The following SBF2 variants were observed in gnomAD, a reference collection of about 807,000 sequenced individuals.
SBF2 encodes the protein myotubularin-related protein 13.
Under a neutral mutation model 225.2 loss-of-function variants are expected in SBF2, and 112 were observed. The ratio of observed to expected loss-of-function variants is 0.50; its 90% confidence interval spans 0.43 to 0.58. The LOEUF (loss-of-function observed/expected upper bound fraction) is 0.58. SBF2 is among the 20% of genes least tolerant of loss of function. The pLI is 0.00. For missense variants in SBF2, 1,996 were observed against 2,206.2 expected (o/e 0.90, Z 1.91); for synonymous variants, 763 against 773.3 (o/e 0.99, Z 0.22).
chr11:9,932,957 CAAAAAAAAAAAA>C (rs574177096), intron 16 of SBF2, among the ~76,000 whole-genome samples: 1 of 58,744 alleles, frequency 1.7e-5, no homozygotes, highest in Non-Finnish European at 2.7e-5. Context: ...AAACGAAAAG[CAAAAAAAAAAAA>C]AAAAAAAAAA....
chr11:9,952,161 C>G (rs1473212061), intron 16 of SBF2, among the ~76,000 whole-genome samples: 1 of 152,242 alleles, frequency 6.6e-6, no homozygotes, highest in Non-Finnish European at 1.5e-5. Context: ...CACACAACCT[C>G]CTTGTTTGCA....
chr11:9,871,681 C>T lies in SBF2; in HGVS notation c.1930-13285G>A, dbSNP rs189920336. ...TAATTTATTGTATTTTTAGTTGAGA[C>T]GGGGTTTCACCGTGTTAGCCAGGAT... is the stretch of plus-strand genomic sequence containing the variant. On this transcript the variant is annotated intron_variant, in intron 17 of 39. Coordinates refer to ENST00000256190, the MANE Select transcript of SBF2 (RefSeq NM_030962.4). Among the ~76,000 whole-genome samples, 247 of 151,948 alleles carry T rather than the reference C, an allele frequency of 1.6e-3. 3 individuals carry two copies. The highest frequency in any genetic ancestry group is 5.4e-3 in the African/African-American group (222 of 41,450).
At chr11:10,137,937 T>G (rs945353063) in intron 2 of SBF2, among the ~76,000 whole-genome samples, 22 of 152,106 alleles carry the variant, frequency 1.4e-4, no homozygotes, top group African/African-American at 4.8e-4. Context: ...GAGGCAGAGG[T>G]TGCAGTGAGC....
chr11:9,795,226 T>C (rs1853048715), intron 33 of SBF2, among the ~76,000 whole-genome samples: 2 of 152,188 alleles, frequency 1.3e-5, no homozygotes, highest in South Asian at 2.1e-4. Context: ...CTAATGCGAG[T>C]GATGTCTAAA....
At chr11:9,800,443 GT>G (rs1249896115) in intron 32 of SBF2, among the ~76,000 whole-genome samples, 3 of 152,068 alleles carry the variant, frequency 2.0e-5, no homozygotes, top group Admixed American at 1.3e-4. Context: ...GTCTCGCTCT[GT>G]TGCCCAGGCT....
At chr11:10,069,207 A>T (rs1485165052) in intron 2 of SBF2, among the ~76,000 whole-genome samples, 5 of 152,176 alleles carry the variant, frequency 3.3e-5, no homozygotes, top group Non-Finnish European at 4.4e-5. Flanking sequence ...GTACATGTGC[A>T]CAACGTGCAG....
At chr11:9,884,095 G>A (rs1860055190) in intron 17 of SBF2, among the ~76,000 whole-genome samples, 1 of 152,156 alleles carries the variant, frequency 6.6e-6, no homozygotes, top group South Asian at 2.1e-4. Context: ...CTTTGATGGA[G>A]GCTTTGCATC....
chr11:10,229,749 G>A (rs1390224214), intron 1 of SBF2, among the ~76,000 whole-genome samples: 3 of 152,092 alleles, frequency 2.0e-5, no homozygotes, highest in Non-Finnish European at 4.4e-5. Context: ...GGTCAATTTT[G>A]GAACAGGTGT....
At chr11:9,869,713 G>C (rs968897247) in intron 17 of SBF2, among the ~76,000 whole-genome samples, 2 of 152,136 alleles carry the variant, frequency 1.3e-5, no homozygotes, top group East Asian at 1.9e-4. Flanking sequence ...ATAATAATGA[G>C]AGCCATATAT....
chr11:9,807,221 C>G (rs1261927615), intron 32 of SBF2, among the ~76,000 whole-genome samples: 1 of 152,196 alleles, frequency 6.6e-6, no homozygotes, highest in African/African-American at 2.4e-5. Flanking sequence ...CTTGCAAGCT[C>G]AGTGCCATCC....
chr11:10,172,729 C>A (rs570018464), intron 2 of SBF2, among the ~76,000 whole-genome samples: 1 of 149,016 alleles, frequency 6.7e-6, no homozygotes, highest in Admixed American at 6.7e-5. Flanking sequence ...TGCAGTGGCG[C>A]CATCTTGGCT....
At chr11:10,131,438 G>C (rs186795098) in intron 2 of SBF2, among the ~76,000 whole-genome samples, 1 of 150,880 alleles carries the variant, frequency 6.6e-6, no homozygotes, top group East Asian at 2.1e-4. Context: ...TGTGATTTGA[G>C]AGTTCTTTAT....
rs371737591 is a variant in SBF2 at position 10,069,970 on chromosome 11, G to A, written c.142-26989C>T. Among the ~76,000 whole-genome samples, 3 of 152,320 alleles carry A rather than the reference G, an allele frequency of 2.0e-5. No individual in the cohort carries two copies. The East Asian group carries it at 5.8e-4, about 29-fold the overall frequency. On this transcript the variant is annotated intron_variant, in intron 2 of 39. Transcript: ENST00000256190. Reference sequence around the variant, plus strand: ...GCATAAATGTCTTCTTTTGAGAAGTGTCTGTTCATATCCTTTGCCCACTTG... The same window carrying A: ...GCATAAATGTCTTCTTTTGAGAAGTATCTGTTCATATCCTTTGCCCACTTG...
intron 2 of SBF2, among the ~76,000 whole-genome samples, chr11:10,185,721 C>T (rs557370906): frequency 6.7e-5 from 10 of 150,162 alleles, no homozygotes; most frequent in Non-Finnish European, 1.0e-4. Context: ...AGCATCTTTT[C>T]GTGTGCTTGT....
At chr11:10,081,265 A>T (rs1951353142) in intron 2 of SBF2, among the ~76,000 whole-genome samples, 1 of 152,210 alleles carries the variant, frequency 6.6e-6, no homozygotes, top group Non-Finnish European at 1.5e-5. Flanking sequence ...AATCAATTCC[A>T]AGAGGAACTT....
At chr11:9,855,919 G>A (rs1175502761) in intron 19 of SBF2, among the ~76,000 whole-genome samples, 1 of 152,208 alleles carries the variant, frequency 6.6e-6, no homozygotes, top group Non-Finnish European at 1.5e-5. Context: ...AGCATGAGCA[G>A]GGAGACCAGT....
chr11:10,198,070 T>C (rs1957440922), intron 1 of SBF2, among the ~76,000 whole-genome samples: 1 of 152,234 alleles, frequency 6.6e-6, no homozygotes, highest in African/African-American at 2.4e-5. Flanking sequence ...TTCATATTTT[T>C]ACCTCCTCCC....
At chr11:9,856,358 T>C in intron 19 of SBF2, 100 bp downstream of exon 19, 1 of 1,447,972 alleles carries the variant, frequency 6.9e-7, no homozygotes, top group Non-Finnish European at 9.7e-7. Context: ...TTTTGAAATA[T>C]GTACAGCAGT....
At chr11:9,953,436 C>G (rs1485255485) in intron 16 of SBF2, among the ~76,000 whole-genome samples, 1 of 148,196 alleles carries the variant, frequency 6.7e-6, no homozygotes, top group African/African-American at 2.5e-5. Context: ...GAGTGAGACT[C>G]AAAAAAAACG....
Sources: allele counts gnomAD v4.1 joint callset (sites outside exome capture counted in the v4.1 genomes callset), GRCh38; gene constraint gnomAD v4.1.1; transcripts MANE v1.5; gene names NCBI Gene and HGNC (gene_info 2026-07-23, HGNC 2026-07-21).